FAM227B: variants seen among roughly 807,000 people sequenced by gnomAD.
FAM227B encodes the protein protein FAM227B.
FAM227B carries 88 observed loss-of-function variants against 73.8 expected under a neutral mutation model. The observed-to-expected ratio is 1.19, with a 90% CI of 1.00 to 1.42. The LOEUF (loss-of-function observed/expected upper bound fraction) is 1.42, where lower values mean the gene tolerates loss of function less well. Among genes scored for constraint, FAM227B ranks in the 40% most tolerant of loss-of-function variants. The pLI is 0.00. For synonymous variants in FAM227B, 210 were observed against 190.5 expected (o/e 1.10, Z -0.84); for missense variants, 632 against 590.9 (o/e 1.07, Z -0.72).
chr15:49,366,921 A>C (rs529229671), intron 13 of FAM227B, among the ~76,000 whole-genome samples: 1 of 152,348 alleles, frequency 6.6e-6, no homozygotes, highest in East Asian at 1.9e-4. Context: ...TACTGAAGAT[A>C]GGACTGTAAA....
At chr15:49,456,403 T>A (rs1182583044) in intron 11 of FAM227B, among the ~76,000 whole-genome samples, 1 of 152,120 alleles carries the variant, frequency 6.6e-6, no homozygotes, top group East Asian at 1.9e-4. Flanking sequence ...TAAAATTTCT[T>A]GACAGGGTTA....
At chr15:49,371,528 G>C (rs966009766) in intron 11 of FAM227B, 129 bp from the exon 12 acceptor site, 7 of 440,756 alleles carry the variant, frequency 1.6e-5, no homozygotes, top group Admixed American at 3.9e-5. Flanking sequence ...GATAAAGAGT[G>C]TTAAGACATT....
chr15:49,593,135 C>G (rs534687728), intron 3 of FAM227B, among the ~76,000 whole-genome samples: 4 of 152,188 alleles, frequency 2.6e-5, no homozygotes, highest in Non-Finnish European at 5.9e-5. Context: ...TGACCCCTTG[C>G]GCTTCCTGGG....
intron 9 of FAM227B, among the ~76,000 whole-genome samples, chr15:49,561,764 AAGTT>A (rs1227046887): frequency 6.6e-6 from 1 of 152,204 alleles, no homozygotes; most frequent in Non-Finnish European, 1.5e-5. Flanking sequence ...GTAAACAACT[AAGTT>A]AGACACAAAT....
At chr15:49,378,362 G>A (rs11855470) in intron 11 of FAM227B, among the ~76,000 whole-genome samples, 1 of 151,816 alleles carries the variant, frequency 6.6e-6, no homozygotes, top group African/African-American at 2.4e-5. Flanking sequence ...TTTTGATAGG[G>A]ATAGCATTGA....
chr15:49,489,710 G>C (rs1337670281), intron 11 of FAM227B, among the ~76,000 whole-genome samples: 3 of 145,712 alleles, frequency 2.1e-5, no homozygotes, highest in Non-Finnish European at 4.5e-5. Flanking sequence ...GAAAACAATT[G>C]ATTTCAATGG....
chr15:49,443,959 T>C (rs2051930631), intron 11 of FAM227B, among the ~76,000 whole-genome samples: 1 of 151,742 alleles, frequency 6.6e-6, no homozygotes, highest in African/African-American at 2.4e-5. Context: ...CTTCTACATA[T>C]AATCTATCAT....
chr15:49,434,951 A>G (rs539996068), intron 11 of FAM227B, among the ~76,000 whole-genome samples: 12 of 151,616 alleles, frequency 7.9e-5, no homozygotes, highest in African/African-American at 2.9e-4. Context: ...GGAATAATAT[A>G]TTTTTTCTGA....
chr15:49,480,671 C>T (rs1246463001), intron 11 of FAM227B, among the ~76,000 whole-genome samples: 2 of 151,838 alleles, frequency 1.3e-5, no homozygotes, highest in East Asian at 3.9e-4. Context: ...TTAGTAGAAA[C>T]GGGGTTTCGC....
chr15:49,587,048 C>A (rs1236186625), intron 5 of FAM227B, among the ~76,000 whole-genome samples: 1 of 152,096 alleles, frequency 6.6e-6, no homozygotes, highest in Non-Finnish European at 1.5e-5. Flanking sequence ...CACTGCAGCA[C>A]TATTCACAAT....
At chr15:49,585,728 A>T (rs1817131005) in intron 5 of FAM227B, among the ~76,000 whole-genome samples, 1 of 152,172 alleles carries the variant, frequency 6.6e-6, no homozygotes, top group Non-Finnish European at 1.5e-5. Flanking sequence ...GCAGTAGGAG[A>T]TATACCTAAT....
chr15:49,364,975 G>A (rs2044876258), intron 13 of FAM227B: 1 of 366,930 alleles, frequency 2.7e-6, no homozygotes, highest in Admixed American at 4.4e-5. Context: ...AATTATTTAT[G>A]ATGTAACTGT....
intron 11 of FAM227B, among the ~76,000 whole-genome samples, chr15:49,498,039 C>G (rs925378552): frequency 6.6e-6 from 1 of 152,182 alleles, no homozygotes; most frequent in Non-Finnish European, 1.5e-5. Context: ...AAAATTTAAT[C>G]CAGGAAAAGA....
chr15:49,445,001 T>C (rs2052052094), intron 11 of FAM227B, among the ~76,000 whole-genome samples: 1 of 151,652 alleles, frequency 6.6e-6, no homozygotes, highest in African/African-American at 2.4e-5. Flanking sequence ...TATTCATATA[T>C]TCATATATGA....
intron 3 of FAM227B, among the ~76,000 whole-genome samples, chr15:49,599,912 C>CT (rs1212048431): frequency 1.3e-5 from 2 of 152,096 alleles, no homozygotes; most frequent in Non-Finnish European, 2.9e-5. Context: ...CTGTATGTGT[C>CT]TGTTAGGACC....
intron 6 of FAM227B, chr15:49,577,088 G>A: frequency 2.7e-6 from 1 of 370,278 alleles, no homozygotes; most frequent in Non-Finnish European, 4.9e-6. Context: ...CTTGAGGTCG[G>A]GAGTTCGAGA....
At chr15:49,602,823 T>C (rs1266106713) in intron 3 of FAM227B, among the ~76,000 whole-genome samples, 3 of 152,226 alleles carry the variant, frequency 2.0e-5, no homozygotes, top group Admixed American at 6.5e-5. Context: ...GATTTTTGTA[T>C]ATGGAAAGAG....
At chr15:49,599,081 G>C (rs2077043514) in intron 3 of FAM227B, among the ~76,000 whole-genome samples, 1 of 151,928 alleles carries the variant, frequency 6.6e-6, no homozygotes, top group Admixed American at 6.5e-5. Context: ...CTGGGCTTTT[G>C]TTTATTGGGA....
At chr15:49,420,306 T>G (rs540069890) in intron 11 of FAM227B, among the ~76,000 whole-genome samples, 36 of 152,076 alleles carry the variant, frequency 2.4e-4, no homozygotes, top group Non-Finnish European at 4.3e-4. Flanking sequence ...TCAAATACAC[T>G]GTGATATACC....
Sources: allele counts gnomAD v4.1 joint callset (sites outside exome capture counted in the v4.1 genomes callset), GRCh38; gene constraint gnomAD v4.1.1; transcripts MANE v1.5; gene names NCBI Gene and HGNC (gene_info 2026-07-23, HGNC 2026-07-21).